The following DPY30 variants were observed in gnomAD, a reference collection of about 807,000 sequenced individuals.
The protein encoded by DPY30 is dpy-30 histone methyltransferase complex regulatory subunit, also known as protein dpy-30 homolog.
A neutral mutation model predicts 16.2 loss-of-function variants in DPY30; 6 were observed. The ratio of observed to expected loss-of-function variants is 0.37; its 90% CI spans 0.20 to 0.73. The LOEUF is 0.73. DPY30 is among the 30% of genes least tolerant of loss of function. The pLI is 0.51. For missense variants in DPY30, 73 were observed against 113.1 expected, an observed-to-expected ratio of 0.65 and a Z score of 1.61; for synonymous variants, 39 against 38.8, an observed-to-expected ratio of 1.00 and a Z score of -0.02.
At chr2:32,022,892 A>C (rs1290223815), downstream of DPY30, among the ~76,000 whole-genome samples, 2 of 152,180 alleles carry the variant, frequency 1.3e-5, no homozygotes, top group Non-Finnish European at 2.9e-5. Flanking sequence ...TAGGCTTCTA[A>C]TGCAGGGTTT....
chr2:32,028,888 G>A (rs1057072415), intron 4 of DPY30, among the ~76,000 whole-genome samples: 12 of 151,748 alleles, frequency 7.9e-5, no homozygotes, highest in Admixed American at 5.9e-4. Flanking sequence ...GCTTGAACCC[G>A]GTGAGGTGGA....
chr2:32,018,237 G>A (rs1675099938), intron 5 of DPY30, among the ~76,000 whole-genome samples: 1 of 151,998 alleles, frequency 6.6e-6, no homozygotes, highest in South Asian at 2.1e-4. Flanking sequence ...AACAAATCTA[G>A]CATTCTACAA....
intron 3 of DPY30, among the ~76,000 whole-genome samples, chr2:32,038,988 C>T (rs1675861554): frequency 6.6e-6 from 1 of 152,242 alleles, no homozygotes; most frequent in African/African-American, 2.4e-5. Context: ...TACGTAGCAA[C>T]ATCCCAAAAG....
intron 4 of DPY30, among the ~76,000 whole-genome samples, chr2:32,027,314 G>C (rs1045211762): frequency 6.7e-6 from 1 of 148,466 alleles, no homozygotes; most frequent in Non-Finnish European, 1.5e-5. Context: ...TGGATCACCT[G>C]AGGTCAGGAG....
intron 3 of DPY30, among the ~76,000 whole-genome samples, chr2:32,037,117 T>C (rs1675773316): frequency 1.3e-5 from 2 of 152,150 alleles, no homozygotes. Flanking sequence ...AGAAGCTGAA[T>C]TTCTTACCAG....
chr2:32,037,247 A>G (rs894000990), intron 3 of DPY30, among the ~76,000 whole-genome samples: 2 of 152,336 alleles, frequency 1.3e-5, no homozygotes, highest in Non-Finnish European at 2.9e-5. Context: ...GAAATGGTCA[A>G]TATGTGGATA....
chr2:32,033,528 C>T (rs1196708602), intron 3 of DPY30, among the ~76,000 whole-genome samples: 2 of 151,738 alleles, frequency 1.3e-5, no homozygotes, highest in Non-Finnish European at 2.9e-5. Flanking sequence ...CAAAACTAGC[C>T]AGGCGTGGTG....
intron 3 of DPY30, among the ~76,000 whole-genome samples, chr2:32,037,534 G>A (rs537732804): frequency 3.0e-4 from 45 of 151,602 alleles, no homozygotes; most frequent in Admixed American, 1.2e-3. Flanking sequence ...GAGCTCAAGC[G>A]ATTTAACAGC....
chr2:32,029,048 G>A (rs1363828898), intron 4 of DPY30, among the ~76,000 whole-genome samples: 1 of 152,074 alleles, frequency 6.6e-6, no homozygotes, highest in African/African-American at 2.4e-5. Flanking sequence ...GAGGCGGGCA[G>A]ATCACTTGAG....
intron 5 of DPY30, among the ~76,000 whole-genome samples, chr2:32,012,226 T>C (rs574624365): frequency 6.6e-6 from 1 of 152,152 alleles, no homozygotes; most frequent in Non-Finnish European, 1.5e-5. Context: ...AAGGATTTTG[T>C]GCAGTATCCC....
downstream of DPY30, chr2:32,023,420 A>G (rs1163258955): frequency 8.5e-6 from 4 of 469,384 alleles, no homozygotes; most frequent in Non-Finnish European, 1.8e-5. Context: ...CCAAAAACTT[A>G]CCAGCAGTGT....
At chr2:32,019,835 A>AATAT (rs901989516), downstream of DPY30, among the ~76,000 whole-genome samples, 65 of 123,006 alleles carry the variant, frequency 5.3e-4, no homozygotes, top group East Asian at 2.2e-3. Context: ...AAAAAAAAAA[A>AATAT]ATATATATAT....
intron 3 of DPY30, among the ~76,000 whole-genome samples, chr2:32,036,323 A>G (rs1472274281): frequency 2.0e-5 from 3 of 152,038 alleles, no homozygotes; most frequent in Non-Finnish European, 2.9e-5. Flanking sequence ...AAGTTTGATG[A>G]AAATTCTAAA....
At chr2:32,016,915 TTC>T (rs1675076615) in intron 5 of DPY30, among the ~76,000 whole-genome samples, 1 of 152,148 alleles carries the variant, frequency 6.6e-6, no homozygotes. Flanking sequence ...CAGAGTGTCA[TTC>T]TGTCACCCAG....
chr2:32,019,875 T>C (rs1675141373), downstream of DPY30, among the ~76,000 whole-genome samples: 1 of 141,208 alleles, frequency 7.1e-6, no homozygotes, highest in Non-Finnish European at 1.6e-5. Flanking sequence ...TATATATGTG[T>C]ATATATATAT....
At chr2:32,034,828 G>A (rs1026084762) in intron 3 of DPY30, among the ~76,000 whole-genome samples, 10 of 151,808 alleles carry the variant, frequency 6.6e-5, no homozygotes, top group African/African-American at 1.5e-4. Context: ...GTAAAACCCC[G>A]TCTCTACTAA....
At chr2:32,025,618 C>T (rs1422132337) in intron 4 of DPY30, among the ~76,000 whole-genome samples, 1 of 151,774 alleles carries the variant, frequency 6.6e-6, no homozygotes, top group Non-Finnish European at 1.5e-5. Flanking sequence ...AAAAATTAGC[C>T]GGGCGTGGTA....
chr2:32,028,238 T>C (rs535758129), intron 4 of DPY30, among the ~76,000 whole-genome samples: 1 of 151,402 alleles, frequency 6.6e-6, no homozygotes, highest in Admixed American at 6.6e-5. Flanking sequence ...CACCTTGGCC[T>C]CCCAAGCAGT....
chr2:32,017,864 C>T (rs1225082916), intron 5 of DPY30, among the ~76,000 whole-genome samples: 1 of 152,134 alleles, frequency 6.6e-6, no homozygotes, highest in Non-Finnish European at 1.5e-5. Context: ...ACCACTAAGG[C>T]GATGGCATTA....
Sources: gnomAD v4.1 joint callset for allele counts (sites outside exome capture counted in the v4.1 genomes callset) on GRCh38, gnomAD v4.1.1 for gene constraint, MANE v1.5 for transcripts, NCBI Gene and HGNC (gene_info 2026-07-23, HGNC 2026-07-21) for gene names.